PDE5A: variants seen among roughly 807,000 people sequenced by gnomAD.
PDE5A encodes the protein phosphodiesterase 5A, also known as cGMP-specific 3',5'-cyclic phosphodiesterase.
In PDE5A, 67 loss-of-function variants were observed where a neutral mutation model predicts 110.2. The ratio of observed to expected loss-of-function variants is 0.61; its 90% CI spans 0.50 to 0.75. PDE5A has a LOEUF of 0.75. Ranked by LOEUF, PDE5A falls within the 30% of genes least tolerant of loss-of-function variation. The pLI, the probability that PDE5A is intolerant of heterozygous loss-of-function variation, is 0.00. For missense variants in PDE5A, 862 were observed against 1,045.1 expected, an observed-to-expected ratio of 0.82 and a Z score of 2.42; for synonymous variants, 328 against 351.2, an observed-to-expected ratio of 0.93 and a Z score of 0.74.
chr4:119,502,224 C>G (rs925703584), intron 19 of PDE5A, among the ~76,000 whole-genome samples: 2 of 151,996 alleles, frequency 1.3e-5, no homozygotes, highest in African/African-American at 4.8e-5. Flanking sequence ...ATAGTGAACA[C>G]TGCAAATATT....
Position 119,505,899 on chromosome 4 carries a change from T to C in PDE5A, c.2223A>G (p.Lys741=). Residue 741 remains lysine (K), a synonymous_variant, in exon 17 of 21, where the codon AAA becomes AAG. Coordinates refer to ENST00000354960, the MANE Select transcript of PDE5A (RefSeq NM_001083.4). ...RRGEFFELIR[K]NQFNLEDPHQ... ...GAGGATCTTCCAAATTGAATTGATT[T>C]TTTCTTATAAGTTCAAAAAATTCTC... is the stretch of plus-strand genomic sequence containing the variant. The C allele has an allele frequency of 6.4e-7, 1 of 1,570,728 alleles. No homozygotes were observed. Among genetic ancestry groups the C allele is most frequent in the Non-Finnish European group, 8.6e-7 (1 of 1,160,830 alleles).
chr4:119,560,353 G>GA lies in PDE5A; in HGVS notation c.1141dup (p.Ser381PhefsTer2). 2 of 1,580,290 alleles carry GA rather than the reference G, an allele frequency of 1.3e-6. No homozygotes were observed. The highest frequency in any genetic ancestry group is 1.7e-6 in the Non-Finnish European group (2 of 1,163,730). The stretch of plus-strand genomic sequence containing the variant: ...CTCACACTCCATGTGAAACACACTA[G>GA]AAAAAGAATCCTAAAAACAGACAAC... On this transcript the variant is annotated frameshift_variant, in exon 7 of 21. Transcript: ENST00000354960. LOFTEE classifies it high-confidence loss of function.
intron 12 of PDE5A, among the ~76,000 whole-genome samples, chr4:119,524,788 T>A (rs983177886): frequency 1.3e-5 from 2 of 152,174 alleles, no homozygotes; most frequent in South Asian, 2.1e-4. Flanking sequence ...TTCTTTTTTT[T>A]AAATAGTCCT....
At chr4:119,628,447 A>T (rs1169457080) in intron 1 of PDE5A, 73 bp downstream of exon 1, 1 of 1,269,178 alleles carries the variant, frequency 7.9e-7, no homozygotes, top group African/African-American at 1.5e-5. Context: ...GCCTGGGAAC[A>T]GGGGTGAACG....
In PDE5A at chr4:119,609,458, AAAG is replaced by A. The variant is rs1729667220; in HGVS notation, c.153-2164_153-2162del. 2.0e-5 allele frequency among the ~76,000 whole-genome samples: 3 copies of A among 152,326 alleles called. No individual in the cohort carries two copies. In the East Asian group the frequency reaches 5.8e-4, roughly 29 times the overall value. ...AAACAGAAGATGTAAAAGAGTTTGA[AAAG>A]AACACACTGTCTTATTTCTGAGTCT... On this transcript the variant is annotated intron_variant, in intron 1 of 20. Coordinates refer to ENST00000354960, the MANE Select transcript of PDE5A (RefSeq NM_001083.4).
chr4:119,584,137 G>A (rs1560627273), intron 3 of PDE5A, among the ~76,000 whole-genome samples: 1 of 152,172 alleles, frequency 6.6e-6, no homozygotes, highest in African/African-American at 2.4e-5. Context: ...CTCAGATGCT[G>A]GAGCAGGAGA....
chr4:119,537,702 C>T (rs1346876541), intron 11 of PDE5A, among the ~76,000 whole-genome samples: 1 of 151,898 alleles, frequency 6.6e-6, no homozygotes, highest in Non-Finnish European at 1.5e-5. Flanking sequence ...AACACCACCA[C>T]CTCATCGCTT....
chr4:119,588,270 C>G (rs1161726731), intron 3 of PDE5A, among the ~76,000 whole-genome samples: 2 of 151,126 alleles, frequency 1.3e-5, no homozygotes, highest in African/African-American at 2.4e-5. Flanking sequence ...TGTCTCCCAG[C>G]CAGGTTCAAG....
intron 2 of PDE5A, among the ~76,000 whole-genome samples, chr4:119,603,655 G>T: frequency 6.6e-6 from 1 of 151,922 alleles, no homozygotes. Context: ...ATCATTTTCT[G>T]TTACAAAGTT....
At chr4:119,519,788 T>C (rs1726058192) in intron 13 of PDE5A, 1 of 152,164 alleles carries the variant, frequency 6.6e-6, no homozygotes, top group Non-Finnish European at 1.5e-5. Context: ...CATTTTGTTA[T>C]TCCTCACAGA....
intron 19 of PDE5A, 40 bp downstream of exon 19, chr4:119,502,541 A>C (rs749603996): frequency 1.6e-6 from 2 of 1,221,380 alleles, no homozygotes; most frequent in Non-Finnish European, 1.2e-6. Context: ...TAAAAAAAAA[A>C]CAATTTGAAT....
intron 7 of PDE5A, among the ~76,000 whole-genome samples, chr4:119,559,378 A>C (rs564167524): frequency 3.9e-5 from 6 of 152,284 alleles, no homozygotes; most frequent in Non-Finnish European, 8.8e-5. Flanking sequence ...ACAAATATTA[A>C]AAGATAATGT....
chr4:119,507,902 A>G (rs1464280142), intron 15 of PDE5A, among the ~76,000 whole-genome samples, 198 bp from the exon 16 acceptor site: 2 of 151,934 alleles, frequency 1.3e-5, no homozygotes, highest in East Asian at 3.9e-4. Flanking sequence ...ACCGCTTCAT[A>G]ATGCTTCATC....
chr4:119,602,970 G>T (rs1469918646), intron 2 of PDE5A, among the ~76,000 whole-genome samples: 2 of 152,136 alleles, frequency 1.3e-5, no homozygotes, highest in Non-Finnish European at 2.9e-5. Context: ...TAATTGACTT[G>T]GGAGAAGGAG....
intron 10 of PDE5A, among the ~76,000 whole-genome samples, chr4:119,539,345 GT>G (rs200294926): frequency 0.032 from 4,513 of 140,718 alleles, 90 homozygotes; most frequent in South Asian, 0.079. Flanking sequence ...AATTTATTTT[GT>G]TTTTTTTTTT....
At chr4:119,601,585 TG>T (rs1466459141) in intron 2 of PDE5A, among the ~76,000 whole-genome samples, 1 of 152,168 alleles carries the variant, frequency 6.6e-6, no homozygotes, top group East Asian at 1.9e-4. Flanking sequence ...ATCTAATTAC[TG>T]AACCTAAGCG....
chr4:119,534,611 A>G (rs1230670470), intron 11 of PDE5A, among the ~76,000 whole-genome samples: 2 of 152,124 alleles, frequency 1.3e-5, no homozygotes, highest in Non-Finnish European at 2.9e-5. Context: ...AGGTAATTAC[A>G]GTTCAGTGAT....
chr4:119,578,458 C>CA (rs1728458193), intron 3 of PDE5A, among the ~76,000 whole-genome samples: 1 of 152,146 alleles, frequency 6.6e-6, no homozygotes, highest in Non-Finnish European at 1.5e-5. Context: ...CTACAGTAAC[C>CA]AAAACAGCAT....
chr4:119,510,125 C>T (rs958923079), intron 15 of PDE5A, among the ~76,000 whole-genome samples: 2 of 151,934 alleles, frequency 1.3e-5, no homozygotes, highest in African/African-American at 4.8e-5. Context: ...AACAGAAAAC[C>T]TGAAACTTTA....
Sources: gnomAD v4.1 joint callset for allele counts (sites outside exome capture counted in the v4.1 genomes callset) on GRCh38, gnomAD v4.1.1 for gene constraint, MANE v1.5 for transcripts, NCBI Gene and HGNC (gene_info 2026-07-23, HGNC 2026-07-21) for gene names.